The following CEP55 variants were observed in gnomAD, a reference collection of about 807,000 sequenced individuals.
The protein encoded by CEP55 is centrosomal protein 55.
Under a neutral mutation model 63.2 loss-of-function variants are expected in CEP55, and 57 were observed. That is an observed-to-expected ratio of 0.90 (90% CI 0.73 to 1.13). The LOEUF is 1.13. CEP55 is among the 50% of genes most tolerant of loss of function. The pLI is 0.00. For synonymous variants in CEP55, 178 were observed against 191.6 expected (o/e 0.93, Z 0.59); for missense variants, 456 against 518.9 (o/e 0.88, Z 1.18).
In CEP55 at chr10:93,519,723, C is replaced by T. The variant is rs768221108; in HGVS notation, c.1107C>T (p.Asp369=). ...CTLDFENEKL[D]RQHVQHQLHV... ...TAGACTTTGAAAATGAAAAACTCGA[C>T]CGTCAACATGTGCAGCATCAATTGC... Residue 369 remains aspartate, a synonymous_variant, in exon 8 of 9, where the codon GAC becomes GAT. Coordinates refer to ENST00000371485, the MANE Select transcript of CEP55 (RefSeq NM_018131.5). 1.2e-6 allele frequency: 2 copies of T among 1,614,094 alleles called. No homozygotes were observed. The highest frequency in any genetic ancestry group is 2.2e-5 in the South Asian group (2 of 91,076).
At chr10:93,511,715 G>T (rs1473295876) in intron 4 of CEP55, among the ~76,000 whole-genome samples, 1 of 151,860 alleles carries the variant, frequency 6.6e-6, no homozygotes, top group Non-Finnish European at 1.5e-5. Context: ...TGATTCTCTT[G>T]CCTCAGCGTC....
chr10:93,513,829 C>T (rs1462485024), intron 4 of CEP55, among the ~76,000 whole-genome samples: 1 of 152,136 alleles, frequency 6.6e-6, no homozygotes, highest in Non-Finnish European at 1.5e-5. Context: ...TGGCCTCATT[C>T]TCTATGTATA....
chr10:93,524,296 G>A (rs557877521), intron 8 of CEP55, among the ~76,000 whole-genome samples: 1 of 152,250 alleles, frequency 6.6e-6, no homozygotes, highest in African/African-American at 2.4e-5. Flanking sequence ...TACCATCAGA[G>A]AATACTATAA....
chr10:93,513,578 G>T (rs1448351981), intron 4 of CEP55, among the ~76,000 whole-genome samples: 1 of 152,042 alleles, frequency 6.6e-6, no homozygotes, highest in Non-Finnish European at 1.5e-5. Flanking sequence ...ATATTGTATT[G>T]TCAGATTGAA....
rs762354067 is a variant in CEP55 at position 93,528,067 on chromosome 10, C to T, written c.1309C>T (p.Leu437=). 1 of 1,614,050 alleles carries T rather than the reference C, an allele frequency of 6.2e-7. No individual in the cohort carries two copies. The highest frequency in any genetic ancestry group is 1.1e-5 in the South Asian group (1 of 91,078). The change falls in exon 9 of 9, where the codon CTG becomes TTG. Residue 437 remains leucine, a synonymous_variant. Coordinates refer to ENST00000371485, the MANE Select transcript of CEP55 (RefSeq NM_018131.5). ...TCCCACTGCTGCACTCAATGAAAGC[C>T]TGGTGGAATGTCCCAAGTGCAATAT... ...KSPTAALNES[L]VECPKCNIQY...
rs56188627 is a variant in CEP55 at position 93,500,911 on chromosome 10, C to T, written c.183+677C>T. ...AAGTGCTGGAATTCCAGGTGTGAAC[C>T]GCTATGCCTGGCCATTCCATGCTTT... On this transcript the variant is annotated intron_variant, in intron 2 of 8. Coordinates refer to ENST00000371485, the MANE Select transcript of CEP55 (RefSeq NM_018131.5). Among the ~76,000 whole-genome samples, 690 of 152,192 alleles carry T rather than the reference C, an allele frequency of 4.5e-3. 1 individual carries two copies. Among genetic ancestry groups the T allele is most frequent in the Non-Finnish European group, 7.7e-3 (523 of 68,004 alleles).
At chr10:93,498,076 A>G (rs568998624) in intron 1 of CEP55, among the ~76,000 whole-genome samples, 1 of 151,818 alleles carries the variant, frequency 6.6e-6, no homozygotes, top group South Asian at 2.1e-4. Flanking sequence ...GATCTGAGAT[A>G]GTGCCACTGC....
chr10:93,522,920 C>A (rs1250194379), intron 8 of CEP55, among the ~76,000 whole-genome samples: 3 of 152,146 alleles, frequency 2.0e-5, no homozygotes, highest in Non-Finnish European at 4.4e-5. Flanking sequence ...GCCTGCCCTA[C>A]AAGAGCTCCT....
intron 4 of CEP55, among the ~76,000 whole-genome samples, chr10:93,511,382 A>C (rs1823172652): frequency 6.6e-6 from 1 of 152,084 alleles, no homozygotes; most frequent in Admixed American, 6.6e-5. Flanking sequence ...GACTCTAAAA[A>C]CTCAAAACTA....
Position 93,528,384 on chromosome 10 carries a change from G to C in CEP55, c.*231G>C, listed in dbSNP as rs1355826216. ...CTGCAATGACAGAATGTGGTGAGCA[G>C]CGTCTACTGAGACTACTAACATTTT... On this transcript the variant is annotated 3_prime_UTR_variant, in exon 9 of 9. Coordinates refer to ENST00000371485, the MANE Select transcript of CEP55 (RefSeq NM_018131.5). The C allele has an allele frequency of 3.7e-6, 2 of 544,838 alleles. No individual in the cohort carries two copies. The highest frequency in any genetic ancestry group is 6.5e-6 in the Non-Finnish European group (2 of 306,632). The allele number at this position is 544,838 out of a possible 1,614,324, so 33.8% of individuals were successfully genotyped here.
chr10:93,523,517 T>G (rs145717521), intron 8 of CEP55, among the ~76,000 whole-genome samples: 18,063 of 152,118 alleles, frequency 0.12, 1,187 homozygotes, highest in Middle Eastern at 0.16. Context: ...ACTGTCAACA[T>G]GAGACAGATC....
chr10:93,521,852 T>G (rs963052271), intron 8 of CEP55, among the ~76,000 whole-genome samples: 1 of 152,168 alleles, frequency 6.6e-6, no homozygotes, highest in Admixed American at 6.5e-5. Context: ...AGTGGACCTC[T>G]GGCAAACTCC....
At chr10:93,507,809 C>T (rs1004080401) in intron 4 of CEP55, among the ~76,000 whole-genome samples, 9 of 151,768 alleles carry the variant, frequency 5.9e-5, no homozygotes, top group African/African-American at 1.7e-4. Context: ...CCACCACGCC[C>T]GGCTAATTTT....
Position 93,524,742 on chromosome 10 carries a change from T to C in CEP55, c.1192-3208T>C, listed in dbSNP as rs545468329. On this transcript the variant is annotated intron_variant, in intron 8 of 8. Transcript: ENST00000371485. The stretch of plus-strand genomic sequence containing the variant: ...AACACATCAAAAAGCTTATCCATCA[T>C]GATCAAGTGGGCATCATCCCTGGGA... 2.2e-3 allele frequency among the ~76,000 whole-genome samples: 328 copies of C among 152,326 alleles called. 1 individual carries two copies. Among genetic ancestry groups the C allele is most frequent in the Non-Finnish European group, 3.7e-3 (252 of 68,024 alleles).
chr10:93,524,487 C>T (rs2057899207), intron 8 of CEP55, among the ~76,000 whole-genome samples: 1 of 152,196 alleles, frequency 6.6e-6, no homozygotes, highest in Non-Finnish European at 1.5e-5. Context: ...CAGACAGATT[C>T]ACAGCCGAAT....
intron 8 of CEP55, among the ~76,000 whole-genome samples, chr10:93,524,763 T>C (rs2057902462): frequency 6.6e-6 from 1 of 152,220 alleles, no homozygotes; most frequent in Non-Finnish European, 1.5e-5. Flanking sequence ...GCATCATCCC[T>C]GGGATGCAAG....
intron 5 of CEP55, among the ~76,000 whole-genome samples, chr10:93,516,475 CTT>C (rs1240741021): frequency 5.4e-5 from 8 of 148,522 alleles, no homozygotes; most frequent in East Asian, 4.0e-4. Context: ...CTCTCTCTCT[CTT>C]TCTCTGTGTG....
intron 1 of CEP55, among the ~76,000 whole-genome samples, chr10:93,497,343 G>T (rs1480810663): frequency 3.9e-5 from 6 of 152,112 alleles, no homozygotes; most frequent in Non-Finnish European, 8.8e-5. Flanking sequence ...TTGGCTCACT[G>T]CAACCTCTGC....
rs564162362 is a variant in CEP55, at chr10:93,517,350, C to A, written c.993+102C>A. The A allele has an allele frequency of 4.3e-5, 37 of 852,498 alleles. No individual in the cohort carries two copies. The African/African-American group carries it at 5.2e-4, about 12-fold the overall frequency. The allele number at this position is 852,498 out of a possible 1,614,324, so 52.8% of individuals were successfully genotyped here. A position where few individuals can be genotyped will look rare whatever the true frequency, so the allele number is the denominator to read the frequency against. Reference sequence around the variant, plus strand: ...GAACTGGCTAGGGACAAAACAAATTCCTGCCCCTCATGGGAGTTATATTCC... The same window carrying A: ...GAACTGGCTAGGGACAAAACAAATTACTGCCCCTCATGGGAGTTATATTCC... On this transcript the variant is annotated intron_variant, in intron 6 of 8. Coordinates refer to ENST00000371485, the MANE Select transcript of CEP55 (RefSeq NM_018131.5).
Sources: gnomAD v4.1 joint callset for allele counts (sites outside exome capture counted in the v4.1 genomes callset) on GRCh38, gnomAD v4.1.1 for gene constraint, MANE v1.5 for transcripts, NCBI Gene and HGNC (gene_info 2026-07-23, HGNC 2026-07-21) for gene names.